The following PTPRM variants were observed in gnomAD, a reference collection of about 807,000 sequenced individuals.
PTPRM encodes protein tyrosine phosphatase receptor type M.
PTPRM carries 47 observed loss-of-function variants against 186.7 expected under a neutral mutation model. That is an observed-to-expected ratio of 0.25 (90% confidence interval 0.20 to 0.32). The LOEUF is 0.32. Ranked by LOEUF, PTPRM falls within the 10% of genes least tolerant of loss-of-function variation. The probability of loss-of-function intolerance (pLI) is 1.00; values close to 1 mark genes in which losing one functional copy is unlikely to be tolerated. For synonymous variants in PTPRM, 668 were observed against 674.9 expected, an observed-to-expected ratio of 0.99 and a Z score of 0.16; for missense variants, 1,494 against 1,865.0, an observed-to-expected ratio of 0.80 and a Z score of 3.66.
intron 14 of PTPRM, among the ~76,000 whole-genome samples, chr18:8,175,532 C>T (rs2286934): frequency 0.31 from 46,617 of 152,046 alleles, 7,398 homozygotes; most frequent in Non-Finnish European, 0.36. Context: ...ATAATCACAC[C>T]GGCAATCTAG....
chr18:7,897,567 C>A (rs993800510), intron 3 of PTPRM, among the ~76,000 whole-genome samples: 1 of 152,164 alleles, frequency 6.6e-6, no homozygotes, highest in Admixed American at 6.5e-5. Flanking sequence ...TGACTTAGAA[C>A]TGTATTTAGG....
intron 4 of PTPRM, among the ~76,000 whole-genome samples, chr18:7,910,073 T>G (rs1440977382): frequency 6.6e-6 from 1 of 152,242 alleles, no homozygotes; most frequent in Non-Finnish European, 1.5e-5. Flanking sequence ...CTTATTACCT[T>G]CTGGTGCTGA....
At chr18:7,994,265 AACAC>A (rs71165762) in intron 7 of PTPRM, among the ~76,000 whole-genome samples, 62,526 of 148,812 alleles carry the variant, frequency 0.42, 12,955 homozygotes, top group Admixed American at 0.46. Context: ...GGATATAAAT[AACAC>A]ACACACACAC....
At chr18:7,688,223 G>A (rs762750006) in intron 1 of PTPRM, among the ~76,000 whole-genome samples, 1 of 152,066 alleles carries the variant, frequency 6.6e-6, no homozygotes, top group Non-Finnish European at 1.5e-5. Flanking sequence ...ACTTACATTG[G>A]GCTTTTTGTG....
At chr18:7,736,108 G>A (rs2040765792) in intron 1 of PTPRM, among the ~76,000 whole-genome samples, 1 of 152,108 alleles carries the variant, frequency 6.6e-6, no homozygotes, top group Non-Finnish European at 1.5e-5. Flanking sequence ...ATTTGATTCA[G>A]AATAAATCTC....
intron 1 of PTPRM, among the ~76,000 whole-genome samples, chr18:7,764,102 C>T (rs1382782862): frequency 6.6e-6 from 1 of 152,034 alleles, no homozygotes; most frequent in Non-Finnish European, 1.5e-5. Flanking sequence ...GCAAAAAATT[C>T]AACACTTTGA....
At chr18:7,915,037 A>G (rs1160235747) in intron 4 of PTPRM, among the ~76,000 whole-genome samples, 2 of 152,130 alleles carry the variant, frequency 1.3e-5, no homozygotes, top group Non-Finnish European at 2.9e-5. Context: ...TGTTGCTAGT[A>G]TTTGTATGCA....
chr18:8,234,398 A>G (rs1438198137), intron 14 of PTPRM, among the ~76,000 whole-genome samples: 1 of 152,162 alleles, frequency 6.6e-6, no homozygotes, highest in Non-Finnish European at 1.5e-5. Context: ...TTGCTGGTAT[A>G]TAGGAAAGTA....
intron 19 of PTPRM, among the ~76,000 whole-genome samples, chr18:8,279,572 G>A (rs2094878022): frequency 6.6e-6 from 1 of 152,204 alleles, no homozygotes; most frequent in Non-Finnish European, 1.5e-5. Context: ...TCTAGGAGCA[G>A]GCCTGTTTTA....
intron 2 of PTPRM, among the ~76,000 whole-genome samples, chr18:7,847,323 CA>C (rs2046646148): frequency 1.3e-5 from 2 of 151,856 alleles, no homozygotes; most frequent in Admixed American, 6.6e-5. Flanking sequence ...TGTGCCACCA[CA>C]CCTGGCTAAT....
rs77290853 is a variant in PTPRM at position 8,249,499 on chromosome 18, A to G, written c.2554+1323A>G. Among the ~76,000 whole-genome samples, 621 of 152,314 alleles carry G rather than the reference A, an allele frequency of 4.1e-3. 6 individuals are homozygous for G. Among genetic ancestry groups the G allele is most frequent in the South Asian group, 0.025 (122 of 4,816 alleles). ...GGCACAGGCTAATCTTAGGCACCAG[A>G]ACAATGTAATCTACATACAAATGAC... On this transcript the variant is annotated intron_variant, in intron 17 of 32. Transcript: ENST00000580170.
At chr18:7,794,280 AAC>A (rs2043489866) in intron 2 of PTPRM, among the ~76,000 whole-genome samples, 1 of 152,200 alleles carries the variant, frequency 6.6e-6, no homozygotes, top group Non-Finnish European at 1.5e-5. Flanking sequence ...GAGCACCTGT[AAC>A]ACATGCCCAC....
intron 1 of PTPRM, among the ~76,000 whole-genome samples, chr18:7,577,586 G>A (rs527726335): frequency 4.3e-4 from 65 of 152,212 alleles, no homozygotes; most frequent in African/African-American, 1.5e-3. Flanking sequence ...GCATGTTCTC[G>A]TTCCTTTTTC....
At chr18:7,801,294 T>A (rs2043955280) in intron 2 of PTPRM, among the ~76,000 whole-genome samples, 1 of 152,206 alleles carries the variant, frequency 6.6e-6, no homozygotes, top group Non-Finnish European at 1.5e-5. Context: ...TTTTTAAAAA[T>A]TTATTGATTT....
intron 1 of PTPRM, among the ~76,000 whole-genome samples, chr18:7,611,639 T>C (rs1406958313): frequency 6.6e-6 from 1 of 152,162 alleles, no homozygotes; most frequent in Admixed American, 6.5e-5. Flanking sequence ...AATTCCCACA[T>C]GTTGTGGGAG....
intron 2 of PTPRM, among the ~76,000 whole-genome samples, chr18:7,820,582 C>T (rs2045131677): frequency 6.6e-6 from 1 of 152,160 alleles, no homozygotes; most frequent in African/African-American, 2.4e-5. Flanking sequence ...AGCTTTATTG[C>T]TGGAAACTGG....
chr18:7,623,838 T>C (rs889498490), intron 1 of PTPRM, among the ~76,000 whole-genome samples: 2 of 152,136 alleles, frequency 1.3e-5, no homozygotes, highest in African/African-American at 4.8e-5. Flanking sequence ...AAAAACAAAC[T>C]GGTGGCTGCA....
intron 14 of PTPRM, among the ~76,000 whole-genome samples, chr18:8,242,591 T>C (rs1250794628): frequency 2.6e-5 from 4 of 152,222 alleles, no homozygotes; most frequent in Non-Finnish European, 4.4e-5. Context: ...TTTAACACTG[T>C]CAGAGATGTT....
At chr18:7,627,054 G>A (rs2038079520) in intron 1 of PTPRM, among the ~76,000 whole-genome samples, 1 of 151,986 alleles carries the variant, frequency 6.6e-6, no homozygotes, top group South Asian at 2.1e-4. Flanking sequence ...CAAGCAGAGG[G>A]ACTTCCCTGG....
Sources: gnomAD v4.1 joint callset for allele counts (sites outside exome capture counted in the v4.1 genomes callset) on GRCh38, gnomAD v4.1.1 for gene constraint, MANE v1.5 for transcripts, NCBI Gene and HGNC (gene_info 2026-07-23, HGNC 2026-07-21) for gene names.